GRIN2A: variants seen among roughly 807,000 people sequenced by gnomAD.
GRIN2A encodes glutamate receptor ionotropic, NMDA 2A.
GRIN2A carries 22 observed loss-of-function variants against 113.4 expected under a neutral mutation model. That is an observed-to-expected ratio of 0.19 (90% confidence interval 0.14 to 0.28). GRIN2A has a LOEUF of 0.28. Ranked by LOEUF, GRIN2A falls within the 10% of genes least tolerant of loss-of-function variation. The probability of loss-of-function intolerance (pLI) is 1.00; values close to 1 mark genes in which losing one functional copy is unlikely to be tolerated. For missense variants in GRIN2A, 1,502 were observed against 1,887.0 expected (o/e 0.80, Z 3.78); for synonymous variants, 827 against 738.4 (o/e 1.12, Z -1.94).
In GRIN2A at chr16:9,754,504, A is replaced by C. The variant is rs1421561872; in HGVS notation, c.*8645T>G. The C allele has an allele frequency of 4.7e-6, 1 of 212,080 alleles. No individual in the cohort carries two copies. Among genetic ancestry groups the C allele is most frequent in the Non-Finnish European group, 9.5e-6 (1 of 104,820 alleles). The allele number at this position is 212,080 out of a possible 1,614,324, so 13.1% of individuals were successfully genotyped here. On this transcript the variant is annotated 3_prime_UTR_variant, in exon 13 of 13. Coordinates refer to ENST00000330684, the MANE Select transcript of GRIN2A (RefSeq NM_001134407.3). Reference sequence around the variant, plus strand: ...AAAAGTTCCACTTTCATCTTTTCAAATTCATCAAAAATTTCAAACAAGATC... The same window carrying C: ...AAAAGTTCCACTTTCATCTTTTCAACTTCATCAAAAATTTCAAACAAGATC...
chr16:10,034,731 T>G (rs1017312453), intron 2 of GRIN2A, among the ~76,000 whole-genome samples: 1 of 152,026 alleles, frequency 6.6e-6, no homozygotes, highest in African/African-American at 2.4e-5. Flanking sequence ...TTCTTAAAGA[T>G]TCCCCAAATC....
At chr16:9,807,843 G>T (rs1048532793) in intron 10 of GRIN2A, among the ~76,000 whole-genome samples, 6 of 152,166 alleles carry the variant, frequency 3.9e-5, no homozygotes, top group African/African-American at 1.4e-4. Flanking sequence ...ATTTCTCTAA[G>T]CCTTGATTTC....
intron 11 of GRIN2A, among the ~76,000 whole-genome samples, chr16:9,773,877 C>T (rs774020957): frequency 1.3e-5 from 2 of 152,208 alleles, no homozygotes; most frequent in Non-Finnish European, 1.5e-5. Flanking sequence ...TTTCCTAATG[C>T]TGACAACATT....
At chr16:9,959,622 G>C (rs989280509) in intron 2 of GRIN2A, among the ~76,000 whole-genome samples, 2 of 152,208 alleles carry the variant, frequency 1.3e-5, no homozygotes, top group Non-Finnish European at 2.9e-5. Flanking sequence ...CTAAAGCAAG[G>C]AGCCCAAAGA....
intron 2 of GRIN2A, among the ~76,000 whole-genome samples, chr16:10,129,176 A>T (rs1274830160): frequency 1.3e-5 from 2 of 152,152 alleles, no homozygotes; most frequent in African/African-American, 4.8e-5. Flanking sequence ...TCTGGGCTCA[A>T]GTGATCGTCC....
At chr16:9,865,433 T>C (rs1437643269) in intron 4 of GRIN2A, among the ~76,000 whole-genome samples, 1 of 152,194 alleles carries the variant, frequency 6.6e-6, no homozygotes, top group Non-Finnish European at 1.5e-5. Flanking sequence ...CTTTTCCCAC[T>C]GAATTATTAA....
chr16:9,788,464 G>A (rs1902375033), intron 11 of GRIN2A, among the ~76,000 whole-genome samples: 1 of 151,786 alleles, frequency 6.6e-6, no homozygotes, highest in South Asian at 2.1e-4. Flanking sequence ...TGCCATGTTG[G>A]CCAGGCTGGT....
chr16:10,045,160 G>A (rs1281343515), intron 2 of GRIN2A, among the ~76,000 whole-genome samples: 2 of 152,108 alleles, frequency 1.3e-5, no homozygotes, highest in Admixed American at 1.3e-4. Context: ...GTCTTCCTTG[G>A]TGCCTTCCAT....
At chr16:9,935,953 C>T (rs752889108) in intron 3 of GRIN2A, among the ~76,000 whole-genome samples, 9 of 152,116 alleles carry the variant, frequency 5.9e-5, no homozygotes, top group African/African-American at 1.7e-4. Flanking sequence ...CCACCCACCT[C>T]GGCCTCCCAA....
chr16:10,162,503 G>A (rs2049825725), intron 2 of GRIN2A, among the ~76,000 whole-genome samples: 1 of 152,220 alleles, frequency 6.6e-6, no homozygotes, highest in Admixed American at 6.5e-5. Context: ...CAAGGGAGCT[G>A]CAGGATTGCT....
At chr16:9,858,835 T>C (rs1305675105) in intron 4 of GRIN2A, among the ~76,000 whole-genome samples, 1 of 152,218 alleles carries the variant, frequency 6.6e-6, no homozygotes, top group African/African-American at 2.4e-5. Context: ...CAGAGGGATG[T>C]TGCCAAGGCT....
chr16:10,008,399 T>C (rs1268961882), intron 2 of GRIN2A, among the ~76,000 whole-genome samples: 1 of 152,220 alleles, frequency 6.6e-6, no homozygotes, highest in Admixed American at 6.5e-5. Flanking sequence ...GTAGTAAGAC[T>C]AACTTTAAGA....
chr16:9,840,987 A>G lies in GRIN2A; in HGVS notation c.1446T>C (p.Asn482=), dbSNP rs569861502. 9 of 1,613,870 alleles carry G rather than the reference A, an allele frequency of 5.6e-6. No individual in the cohort carries two copies. The African/African-American group carries it at 1.2e-4, about 22-fold the overall frequency. Residue 482 remains asparagine (N), a synonymous_variant, in exon 6 of 13, where the codon AAT becomes AAC. Coordinates refer to ENST00000330684, the MANE Select transcript of GRIN2A (RefSeq NM_001134407.3). ...KFTYDLYLVT[N]GKHGKKVNNV... is the part of the protein sequence containing the mutation. Reference sequence around the variant, plus strand: ...TGTTAACTTTCTTGCCATGCTTCCCATTGGTCACCAGATAGAGGTCGTAAG... The same window carrying G: ...TGTTAACTTTCTTGCCATGCTTCCCGTTGGTCACCAGATAGAGGTCGTAAG...
At chr16:9,984,789 G>A (rs1406239698) in intron 2 of GRIN2A, among the ~76,000 whole-genome samples, 4 of 152,078 alleles carry the variant, frequency 2.6e-5, no homozygotes, top group African/African-American at 9.7e-5. Flanking sequence ...AGAATTCATG[G>A]GGGCATCCTG....
chr16:9,990,119 A>G (rs989956548), intron 2 of GRIN2A, among the ~76,000 whole-genome samples: 2 of 152,226 alleles, frequency 1.3e-5, no homozygotes, highest in African/African-American at 4.8e-5. Context: ...TAGCAAAGAC[A>G]TAGCATCAAC....
At chr16:10,130,726 G>T (rs946771761) in intron 2 of GRIN2A, among the ~76,000 whole-genome samples, 1 of 152,234 alleles carries the variant, frequency 6.6e-6, no homozygotes, top group South Asian at 2.1e-4. Context: ...TCTCCTTCTC[G>T]CTTCTCCTGC....
At chr16:9,772,500 T>C (rs1901333737) in intron 11 of GRIN2A, among the ~76,000 whole-genome samples, 1 of 152,088 alleles carries the variant, frequency 6.6e-6, no homozygotes, top group Admixed American at 6.6e-5. Flanking sequence ...GCCTCCGAAG[T>C]AGTTGGGACG....
chr16:9,953,617 G>T (rs1350482966), intron 2 of GRIN2A, among the ~76,000 whole-genome samples: 1 of 152,052 alleles, frequency 6.6e-6, no homozygotes, highest in African/African-American at 2.4e-5. Flanking sequence ...AGCTGTGCAT[G>T]GCATCCCCTA....
Position 9,796,281 on chromosome 16 carries a change from T to A in GRIN2A, c.2356+1996A>T, listed in dbSNP as rs1490493801. 2.0e-5 allele frequency among the ~76,000 whole-genome samples: 3 copies of A among 152,334 alleles called. No individual in the cohort carries two copies. The East Asian group carries it at 5.8e-4, about 29-fold the overall frequency. On this transcript the variant is annotated intron_variant, in intron 11 of 12. Transcript: ENST00000330684. ...TCAATCAATCATTCATCCATACATG[T>A]ATTTATTCATTCAAACCTTTATTGA... is the stretch of plus-strand genomic sequence containing the variant.
Sources: gnomAD v4.1 joint callset for allele counts (sites outside exome capture counted in the v4.1 genomes callset) on GRCh38, gnomAD v4.1.1 for gene constraint, MANE v1.5 for transcripts, NCBI Gene and HGNC (gene_info 2026-07-23, HGNC 2026-07-21) for gene names.